SMYD3: variants seen among roughly 807,000 people sequenced by gnomAD.
SMYD3 encodes SET and MYND domain containing 3.
SMYD3 carries 36 observed loss-of-function variants against 57.7 expected under a neutral mutation model. The observed-to-expected ratio is 0.62, with a 90% confidence interval of 0.48 to 0.82. The LOEUF is 0.82. SMYD3 is among the 40% of genes least tolerant of loss of function. The pLI is 0.00. For synonymous variants in SMYD3, 211 were observed against 195.0 expected, an observed-to-expected ratio of 1.08 and a Z score of -0.68; for missense variants, 515 against 538.8, an observed-to-expected ratio of 0.96 and a Z score of 0.44.
intron 1 of SMYD3, among the ~76,000 whole-genome samples, chr1:246,461,999 T>G (rs903625707): frequency 2.0e-5 from 3 of 151,880 alleles, no homozygotes; most frequent in African/African-American, 7.3e-5. Flanking sequence ...CAACACAGAG[T>G]AGAGTACCTA....
intron 1 of SMYD3, among the ~76,000 whole-genome samples, chr1:246,358,579 A>G (rs2065941228): frequency 6.6e-6 from 1 of 152,242 alleles, no homozygotes. Flanking sequence ...AACAAGTCTC[A>G]GTAAATTTAA....
intron 5 of SMYD3, among the ~76,000 whole-genome samples, chr1:246,323,111 T>C (rs999480055): frequency 6.6e-6 from 1 of 152,210 alleles, no homozygotes; most frequent in Non-Finnish European, 1.5e-5. Context: ...ACTTCTGATA[T>C]GAGGTCCTCC....
intron 1 of SMYD3, among the ~76,000 whole-genome samples, chr1:246,362,878 C>T (rs1229629921): frequency 5.9e-5 from 9 of 151,714 alleles, no homozygotes; most frequent in Non-Finnish European, 1.3e-4. Context: ...TCTGCCCGGC[C>T]GCCACCCCGT....
chr1:245,810,310 C>T (rs2069207), intron 10 of SMYD3, among the ~76,000 whole-genome samples: 88,187 of 152,010 alleles, frequency 0.58, 25,959 homozygotes, highest in Middle Eastern at 0.74. Context: ...GACAGGCTCA[C>T]TGTACAGCAA....
chr1:246,475,125 T>C (rs2068011628), intron 1 of SMYD3, among the ~76,000 whole-genome samples: 1 of 151,962 alleles, frequency 6.6e-6, no homozygotes, highest in Non-Finnish European at 1.5e-5. Flanking sequence ...GTGACCACCC[T>C]GACCAACATG....
Position 246,355,674 on chromosome 1 carries a change from C to T in SMYD3, c.165-580G>A, listed in dbSNP as rs1026104441. 2.3e-4 allele frequency among the ~76,000 whole-genome samples: 35 copies of T among 152,192 alleles called. No individual in the cohort carries two copies. The highest frequency in any genetic ancestry group is 6.3e-4 in the African/African-American group (26 of 41,530). On this transcript the variant is annotated intron_variant, in intron 1 of 11. Coordinates refer to ENST00000490107, the MANE Select transcript of SMYD3 (RefSeq NM_001167740.2). This position sits in a 1 kb window ranked among gnomAD's most constrained non-coding sequence, Gnocchi z 5.0. ...GTGGGATGAGGCCTGTGACTGCTGG[C>T]TTTCCCCCACTTCTCTGGCAGCCTG...
At chr1:246,397,947 G>C (rs1000511712) in intron 1 of SMYD3, among the ~76,000 whole-genome samples, 1 of 149,404 alleles carries the variant, frequency 6.7e-6, no homozygotes, top group African/African-American at 2.4e-5. Flanking sequence ...AAAGAGGAGA[G>C]GGGAGGGGAG....
chr1:246,170,876 C>T (rs551768480), intron 5 of SMYD3, among the ~76,000 whole-genome samples: 6 of 152,316 alleles, frequency 3.9e-5, no homozygotes, highest in Non-Finnish European at 8.8e-5. Context: ...TATTTTCCTG[C>T]ACTGTTTGTG....
intron 8 of SMYD3, among the ~76,000 whole-genome samples, chr1:245,868,712 C>T (rs1202277016): frequency 6.6e-6 from 1 of 152,192 alleles, no homozygotes; most frequent in Non-Finnish European, 1.5e-5. Context: ...CAAAGCTACA[C>T]TCACTAATAG....
At chr1:245,941,516 C>T (rs1033273636) in intron 5 of SMYD3, among the ~76,000 whole-genome samples, 1 of 152,050 alleles carries the variant, frequency 6.6e-6, no homozygotes, top group Non-Finnish European at 1.5e-5. Flanking sequence ...CAATATTCAA[C>T]ATTTTTTTCG....
At chr1:246,284,516 A>C (rs1011654981) in intron 5 of SMYD3, among the ~76,000 whole-genome samples, 1 of 150,696 alleles carries the variant, frequency 6.6e-6, no homozygotes, top group South Asian at 2.1e-4. Context: ...TCCTGGGTTC[A>C]CGCCATTCTC....
chr1:246,190,259 G>A (rs575979600), intron 5 of SMYD3, among the ~76,000 whole-genome samples: 5 of 152,302 alleles, frequency 3.3e-5, no homozygotes. Context: ...CACACAGACC[G>A]TAGCGTATAC....
At chr1:245,920,814 G>A (rs1195332016) in intron 7 of SMYD3, among the ~76,000 whole-genome samples, 2 of 152,168 alleles carry the variant, frequency 1.3e-5, no homozygotes, top group Non-Finnish European at 2.9e-5. Context: ...AAATTTAAAT[G>A]TAAGACCACA....
At chr1:246,182,569 C>G (rs910339902) in intron 5 of SMYD3, among the ~76,000 whole-genome samples, 1 of 152,218 alleles carries the variant, frequency 6.6e-6, no homozygotes, top group African/African-American at 2.4e-5. Flanking sequence ...CAGTACCCCA[C>G]ACAACAGTCT....
chr1:246,222,575 A>G (rs1040423390), intron 5 of SMYD3, among the ~76,000 whole-genome samples: 23 of 152,192 alleles, frequency 1.5e-4, no homozygotes, highest in Admixed American at 6.5e-5. Context: ...CTCCTGTCAT[A>G]GAGTAGATTC....
intron 8 of SMYD3, among the ~76,000 whole-genome samples, chr1:245,893,770 GGTGGTT>G (rs1283572672): frequency 1.3e-5 from 2 of 151,516 alleles, no homozygotes; most frequent in Non-Finnish European, 2.9e-5. Context: ...TGGTGGTGGT[GGTGGTT>G]GTGGTCACAG....
intron 5 of SMYD3, among the ~76,000 whole-genome samples, chr1:246,161,019 G>A (rs530136633): frequency 2.6e-5 from 4 of 152,200 alleles, no homozygotes; most frequent in South Asian, 2.1e-4. Context: ...GTGAGACAAC[G>A]CCATCAGACA....
intron 2 of SMYD3, among the ~76,000 whole-genome samples, chr1:246,352,970 C>T (rs1324064153): frequency 6.6e-6 from 1 of 152,182 alleles, no homozygotes; most frequent in Non-Finnish European, 1.5e-5. Context: ...TCTCTATGTA[C>T]TCTGTTTAAT....
At chr1:246,015,948 T>C (rs1401866757) in intron 5 of SMYD3, among the ~76,000 whole-genome samples, 1 of 152,194 alleles carries the variant, frequency 6.6e-6, no homozygotes, top group Non-Finnish European at 1.5e-5. Flanking sequence ...TATAATAATT[T>C]TATTTCTAAT....
Sources: allele counts gnomAD v4.1 joint callset (sites outside exome capture counted in the v4.1 genomes callset), GRCh38; gene constraint gnomAD v4.1.1; non-coding constraint Gnocchi (gnomAD v3.1); transcripts MANE v1.5; gene names NCBI Gene and HGNC (gene_info 2026-07-23, HGNC 2026-07-21).